The following CCK variants were observed in gnomAD, a reference collection of about 807,000 sequenced individuals.
CCK encodes cholecystokinin triacontatriapeptide.
CCK carries 11 observed loss-of-function variants against 10.1 expected under a neutral mutation model. The ratio of observed to expected loss-of-function variants is 1.09; its 90% CI spans 0.69 to 1.81. The LOEUF is 1.81. Among genes scored for constraint, CCK ranks in the 40% most tolerant of loss-of-function variants. The pLI is 0.00. For synonymous variants in CCK, 83 were observed against 71.9 expected (o/e 1.15, Z -0.78); for missense variants, 137 against 159.9 (o/e 0.86, Z 0.77).
At chr3:42,263,814 C>G (rs930178227) in intron 3 of CCK, 182 bp from the exon 4 acceptor site, 9 of 1,049,232 alleles carry the variant, frequency 8.6e-6, no homozygotes, top group African/African-American at 6.7e-5. Flanking sequence ...CGCGCGCCCC[C>G]GGGCGCACCT....
intron 4 of CCK, among the ~76,000 whole-genome samples, chr3:42,258,667 C>T (rs1468805061): frequency 6.6e-6 from 1 of 152,166 alleles, no homozygotes; most frequent in East Asian, 1.9e-4. Flanking sequence ...TATCCATCAA[C>T]ATTCCTGACT....
At chr3:42,262,400 A>T (rs2149571351) in intron 4 of CCK, among the ~76,000 whole-genome samples, 1 of 151,956 alleles carries the variant, frequency 6.6e-6, no homozygotes. Flanking sequence ...TTGTATTTTT[A>T]GTAGAGATGG....
At chr3:42,258,700 G>A (rs1485639247) in intron 4 of CCK, among the ~76,000 whole-genome samples, 3 of 152,036 alleles carry the variant, frequency 2.0e-5, no homozygotes, top group African/African-American at 7.2e-5. Flanking sequence ...TTGTTATTAA[G>A]GTGGCACAAT....
intron 4 of CCK, among the ~76,000 whole-genome samples, chr3:42,259,659 A>C (rs1433631384): frequency 6.6e-6 from 1 of 152,200 alleles, no homozygotes; most frequent in African/African-American, 2.4e-5. Flanking sequence ...GATGGAAGTT[A>C]AGTCTTCAGG....
chr3:42,262,441 A>C (rs1470097736), intron 4 of CCK, among the ~76,000 whole-genome samples: 2 of 152,048 alleles, frequency 1.3e-5, no homozygotes, highest in African/African-American at 2.4e-5. Context: ...GCTGGTCTCG[A>C]ACTCCTGACC....
At chr3:42,259,563 G>C (rs1039433349) in intron 4 of CCK, among the ~76,000 whole-genome samples, 1 of 151,942 alleles carries the variant, frequency 6.6e-6, no homozygotes, top group African/African-American at 2.4e-5. Flanking sequence ...ACTCAAAGAA[G>C]GGGGGGAGAG....
chr3:42,263,943 C>G (rs564169516), intron 3 of CCK: 1 of 343,494 alleles, frequency 2.9e-6, no homozygotes, highest in African/African-American at 2.1e-5. Flanking sequence ...TGCAGAGTGC[C>G]TCTCTTCTAA....
rs1711273139 is a variant in CCK, at chr3:42,265,405, G to A, written c.-350C>T. On this transcript the variant is annotated 5_prime_UTR_variant, in exon 2 of 5. Coordinates refer to ENST00000396169, the MANE Select transcript of CCK (RefSeq NM_000729.6). ...CAGTGAAAGGGCTCTGGCCACAGCT[G>A]GCTCTTGGTGTCCTGGGCCTCTCTT... The A allele has an allele frequency of 6.6e-6, 1 of 152,446 alleles. No individual in the cohort carries two copies. The highest frequency in any genetic ancestry group is 2.1e-4 in the South Asian group (1 of 4,830). 9.4% of individuals were successfully genotyped at this position (152,446 alleles called of 1,614,324 possible).
In CCK at chr3:42,259,278, C is replaced by A. The variant is rs529601431; in HGVS notation, c.215-1047G>T. 3.3e-5 allele frequency among the ~76,000 whole-genome samples: 5 copies of A among 152,226 alleles called. No homozygotes were observed. In the East Asian group the frequency reaches 9.7e-4, roughly 29 times the overall value. ...TGACTGGTTGATGGGTGCAGCAAACCACCATGGCATGTGTATACCTATGTA... is the reference window on the plus strand; with the variant it reads ...TGACTGGTTGATGGGTGCAGCAAACAACCATGGCATGTGTATACCTATGTA... On this transcript the variant is annotated intron_variant, in intron 4 of 4. Transcript: ENST00000396169.
intron 4 of CCK, among the ~76,000 whole-genome samples, chr3:42,261,883 C>T (rs939208902): frequency 3.3e-5 from 5 of 152,194 alleles, no homozygotes; most frequent in African/African-American, 1.2e-4. Context: ...GACTTTCTCT[C>T]TCCATCTGAG....
At chr3:42,260,896 G>T (rs565316735) in intron 4 of CCK, among the ~76,000 whole-genome samples, 146 of 152,336 alleles carry the variant, frequency 9.6e-4, no homozygotes, top group Middle Eastern at 6.8e-3. Context: ...GGCCCTCCTG[G>T]GGGGAGCAGG....
Position 42,258,003 on chromosome 3 carries a change from C to T in CCK, c.*95G>A. The T allele has an allele frequency of 7.5e-7, 1 of 1,327,740 alleles. No individual in the cohort carries two copies. The highest frequency in any genetic ancestry group is 1.0e-6 in the Non-Finnish European group (1 of 965,584). The allele number at this position is 1,327,740 out of a possible 1,614,324, so 82.2% of individuals were successfully genotyped here. ...AAATAGATACATACAATGTCAAACT[C>T]CACAGACAATGAGTTATGAGTGTGA... is the stretch of plus-strand genomic sequence containing the variant. On this transcript the variant is annotated 3_prime_UTR_variant, in exon 5 of 5. Coordinates refer to ENST00000396169, the MANE Select transcript of CCK (RefSeq NM_000729.6).
At position 42,257,850 on chromosome 3, in the gene CCK, TAAC is replaced by T. The variant is rs1711156337; in HGVS notation, c.*245_*247del. On this transcript the variant is annotated 3_prime_UTR_variant, in exon 5 of 5. Transcript: ENST00000396169. Reference sequence around the variant, plus strand: ...GCAGAATGAAATCACTTTAATAGCATAACAACATTTTCAGACCAGGAGTCACAG... The same window carrying T: ...GCAGAATGAAATCACTTTAATAGCATAACATTTTCAGACCAGGAGTCACAG... 2.2e-6 allele frequency: 1 copy of T among 458,234 alleles called. No homozygotes were observed. Among genetic ancestry groups the T allele is most frequent in the Non-Finnish European group, 3.9e-6 (1 of 259,436 alleles). The allele number at this position is 458,234 out of a possible 1,614,324, so 28.4% of individuals were successfully genotyped here. A position where few individuals can be genotyped will look rare whatever the true frequency, so the allele number is the denominator to read the frequency against.
In CCK at chr3:42,265,302, T is replaced by A. The variant is rs1262286097; in HGVS notation, c.-247A>T. 1 of 151,364 alleles carries A rather than the reference T, an allele frequency of 6.6e-6. No homozygotes were observed. The highest frequency in any genetic ancestry group is 1.5e-5 in the Non-Finnish European group (1 of 67,908). 9.4% of individuals were successfully genotyped at this position (151,364 alleles called of 1,614,324 possible). On this transcript the variant is annotated 5_prime_UTR_variant, in exon 2 of 5. Transcript: ENST00000396169. Reference sequence around the variant, plus strand: ...GCTCTTTCGAAGGAGAGAGGAGGAGTCGGGGTCTTCACTTTCTTCTCAGCC... The same window carrying A: ...GCTCTTTCGAAGGAGAGAGGAGGAGACGGGGTCTTCACTTTCTTCTCAGCC...
intron 4 of CCK, 42 bp from the exon 5 acceptor site, chr3:42,258,273 A>G (rs1251604124): frequency 2.5e-6 from 4 of 1,595,320 alleles, no homozygotes; most frequent in Non-Finnish European, 3.4e-6. Context: ...CATTGCATCT[A>G]AAAGCATCTC....
chr3:42,264,344 G>T (rs1425752101), intron 3 of CCK, among the ~76,000 whole-genome samples: 1 of 152,162 alleles, frequency 6.6e-6, no homozygotes, highest in South Asian at 2.1e-4. Context: ...GCAGTATTTA[G>T]AAAATGAATT....
At chr3:42,262,524 G>A (rs994202097) in intron 4 of CCK, among the ~76,000 whole-genome samples, 1 of 152,156 alleles carries the variant, frequency 6.6e-6, no homozygotes, top group Non-Finnish European at 1.5e-5. Context: ...CTGGCCTGCT[G>A]AATTCTTTTA....
At chr3:42,263,102 G>T in intron 4 of CCK, 1 of 453,772 alleles carries the variant, frequency 2.2e-6, no homozygotes, top group South Asian at 2.1e-5. Flanking sequence ...TCAGTAGAGG[G>T]TATTCACTGT....
At chr3:42,261,771 C>A (rs1160954359) in intron 4 of CCK, among the ~76,000 whole-genome samples, 3 of 152,072 alleles carry the variant, frequency 2.0e-5, no homozygotes, top group African/African-American at 7.2e-5. Context: ...AATGAAAAGC[C>A]TAGGATATTT....
Sources: allele counts gnomAD v4.1 joint callset (sites outside exome capture counted in the v4.1 genomes callset), GRCh38; gene constraint gnomAD v4.1.1; transcripts MANE v1.5; gene names NCBI Gene and HGNC (gene_info 2026-07-23, HGNC 2026-07-21).